Variants in RARB observed in about 807,000 individuals in gnomAD.
The protein encoded by RARB is retinoic acid receptor beta, also known as HBV-activated protein.
Under a neutral mutation model 51.9 loss-of-function variants are expected in RARB, and 17 were observed. That is an observed-to-expected ratio of 0.33 (90% confidence interval 0.22 to 0.49). The LOEUF is 0.49. RARB is among the 20% of genes least tolerant of loss of function. The probability of loss-of-function intolerance (pLI) is 0.99; values close to 1 mark genes in which losing one functional copy is unlikely to be tolerated. For missense variants in RARB, 369 were observed against 550.8 expected, an observed-to-expected ratio of 0.67 and a Z score of 3.30; for synonymous variants, 215 against 195.4, an observed-to-expected ratio of 1.10 and a Z score of -0.84.
intron 2 of RARB, among the ~76,000 whole-genome samples, chr3:24,894,917 G>A (rs1296484961): frequency 6.6e-6 from 1 of 152,208 alleles, no homozygotes; most frequent in Admixed American, 6.5e-5. Flanking sequence ...AGGAGAGTCA[G>A]ATGAGTTTTG....
At chr3:25,109,048 G>A (rs1699556980) in intron 3 of RARB, among the ~76,000 whole-genome samples, 1 of 152,122 alleles carries the variant, frequency 6.6e-6, no homozygotes, top group South Asian at 2.1e-4. Context: ...GTGATACCTA[G>A]CCTTTTAAAG....
chr3:25,368,028 T>A (rs1411878914), intron 5 of RARB, among the ~76,000 whole-genome samples: 1 of 152,178 alleles, frequency 6.6e-6, no homozygotes, highest in African/African-American at 2.4e-5. Context: ...GCCTAAGTTT[T>A]TTACAAACAA....
chr3:24,974,303 A>C (rs1159528490), intron 2 of RARB, among the ~76,000 whole-genome samples: 1 of 152,102 alleles, frequency 6.6e-6, no homozygotes, highest in Non-Finnish European at 1.5e-5. Flanking sequence ...CACGGTGAAT[A>C]ATTTTTTAAA....
intron 5 of RARB, among the ~76,000 whole-genome samples, chr3:25,256,379 A>G (rs114121459): frequency 1.9e-3 from 285 of 152,266 alleles, no homozygotes; most frequent in African/African-American, 6.6e-3. Flanking sequence ...TAGAAAATCT[A>G]TTTACCTTTA....
At position 25,500,454 on chromosome 3, in the gene RARB, GTTTTT is replaced by G. The variant is rs753321842; in HGVS notation, c.307-705_307-701del. On this transcript the variant is annotated intron_variant, in intron 2 of 7. Coordinates refer to ENST00000330688, the MANE Select transcript of RARB (RefSeq NM_000965.5). The stretch of plus-strand genomic sequence containing the variant: ...ATAATTTCTTTTTCTTTCTTTTCTT[GTTTTT>G]TTTTTTTTTTTTTTTTTTTTTTGGT... Among the ~76,000 whole-genome samples the G allele has an allele frequency of 5.6e-3, 367 of 66,102 alleles. 3 individuals carry two copies. The highest frequency in any genetic ancestry group is 0.013 in the African/African-American group (237 of 17,666). The allele number at this position is 66,102 out of a possible 152,430, so 43.4% of individuals were successfully genotyped here.
intron 2 of RARB, among the ~76,000 whole-genome samples, chr3:25,001,351 A>T (rs1291295173): frequency 2.6e-5 from 4 of 152,318 alleles, no homozygotes; most frequent in Non-Finnish European, 2.9e-5. Context: ...CATTCCACCT[A>T]AAGTTCTAAT....
At chr3:25,022,632 C>T (rs56384514) in intron 2 of RARB, among the ~76,000 whole-genome samples, 1 of 152,272 alleles carries the variant, frequency 6.6e-6, no homozygotes, top group Non-Finnish European at 1.5e-5. Context: ...TTTAACCGTT[C>T]TGTTGAGTAT....
chr3:24,982,878 G>T (rs970311708), intron 2 of RARB, among the ~76,000 whole-genome samples: 2 of 152,138 alleles, frequency 1.3e-5, no homozygotes, highest in East Asian at 1.9e-4. Context: ...TTCCCATCCT[G>T]TAACACATAT....
intron 5 of RARB, among the ~76,000 whole-genome samples, chr3:25,264,675 G>A (rs1320945111): frequency 2.6e-5 from 4 of 151,950 alleles, no homozygotes; most frequent in Non-Finnish European, 5.9e-5. Flanking sequence ...GGTAGAAATT[G>A]GCATTTTTCC....
intron 4 of RARB, among the ~76,000 whole-genome samples, chr3:25,167,492 C>G (rs562952706): frequency 7.8e-4 from 119 of 152,228 alleles, no homozygotes; most frequent in African/African-American, 2.8e-3. Flanking sequence ...AAAGGGGATG[C>G]AAGGAGATAC....
At chr3:24,931,584 A>G (rs923617948) in intron 2 of RARB, among the ~76,000 whole-genome samples, 5 of 152,132 alleles carry the variant, frequency 3.3e-5, no homozygotes, top group African/African-American at 9.7e-5. Flanking sequence ...ATTTGTATAT[A>G]TAATGCAGAG....
chr3:25,517,340 G>A (rs60579106), intron 3 of RARB, among the ~76,000 whole-genome samples: 2,524 of 152,262 alleles, frequency 0.017, 81 homozygotes, highest in African/African-American at 0.057. Context: ...ATGGATTTGA[G>A]TAGACATTCC....
intron 5 of RARB, among the ~76,000 whole-genome samples, chr3:25,372,306 A>G (rs1395102368): frequency 6.6e-6 from 1 of 152,166 alleles, no homozygotes; most frequent in African/African-American, 2.4e-5. Flanking sequence ...GATTCTACCC[A>G]CTAGATGCCA....
intron 4 of RARB, among the ~76,000 whole-genome samples, chr3:25,172,574 G>A (rs1256002655): frequency 2.0e-5 from 3 of 152,154 alleles, no homozygotes; most frequent in East Asian, 1.9e-4. Flanking sequence ...ATGAGTGATT[G>A]TTCTCAACCT....
chr3:25,186,418 A>G (rs572470725), intron 5 of RARB, among the ~76,000 whole-genome samples: 2 of 152,246 alleles, frequency 1.3e-5, no homozygotes, highest in East Asian at 3.9e-4. Context: ...TTCAGATTCG[A>G]TTTCAACCAA....
At chr3:25,262,232 G>A (rs1411990729) in intron 5 of RARB, among the ~76,000 whole-genome samples, 2 of 152,128 alleles carry the variant, frequency 1.3e-5, no homozygotes, top group East Asian at 3.9e-4. Flanking sequence ...TGTGCCCAGA[G>A]TGAGTGCCCT....
chr3:25,531,372 G>GTAGA lies in RARB; in HGVS notation c.448+30061_448+30064dup, dbSNP rs1239202273. Among the ~76,000 whole-genome samples the GTAGA allele has an allele frequency of 4.6e-5, 6 of 131,530 alleles. No homozygotes were observed. In the South Asian group the frequency reaches 1.2e-3, roughly 26 times the overall value. The allele number at this position is 131,530 out of a possible 152,430, so 86.3% of individuals were successfully genotyped here. On this transcript the variant is annotated intron_variant, in intron 3 of 7. Transcript: ENST00000330688. ...GGGAGATCGATATACAGATAGATAG[G>GTAGA]TAGATAGATAGATAGGTAGATAGAT...
At chr3:24,981,622 G>T (rs1435400144) in intron 2 of RARB, among the ~76,000 whole-genome samples, 2 of 152,170 alleles carry the variant, frequency 1.3e-5, no homozygotes, top group Non-Finnish European at 2.9e-5. Flanking sequence ...TGGTCTGCTG[G>T]TTGTGAAGAC....
intron 2 of RARB, among the ~76,000 whole-genome samples, chr3:25,045,013 A>G (rs545180821): frequency 5.4e-4 from 82 of 152,280 alleles, no homozygotes; most frequent in African/African-American, 1.9e-3. Flanking sequence ...GGAGGAATGG[A>G]CTATGACCAA....
Sources: gnomAD v4.1 joint callset for allele counts (sites outside exome capture counted in the v4.1 genomes callset) on GRCh38, gnomAD v4.1.1 for gene constraint, MANE v1.5 for transcripts, NCBI Gene and HGNC (gene_info 2026-07-23, HGNC 2026-07-21) for gene names.